SCRIB: variants seen among roughly 807,000 people sequenced by gnomAD.
SCRIB encodes the protein protein scribble homolog.
Under a neutral mutation model 170.0 loss-of-function variants are expected in SCRIB, and 72 were observed. The ratio of observed to expected loss-of-function variants is 0.42; its 90% confidence interval spans 0.35 to 0.52. SCRIB has a LOEUF of 0.52. SCRIB is among the 20% of genes least tolerant of loss of function. The pLI is 0.02. For missense variants in SCRIB, 2,475 were observed against 2,338.5 expected (o/e 1.06, Z -1.20); for synonymous variants, 1,298 against 1,044.3 (o/e 1.24, Z -4.68).
At chr8:143,803,997 C>G (rs782528408) in intron 22 of SCRIB, 49 bp downstream of exon 22, 1 of 1,575,994 alleles carries the variant, frequency 6.3e-7, no homozygotes, top group Admixed American at 1.8e-5. Context: ...TGCGCTGGTA[C>G]CTGGGATGGG....
rs374596932 is a variant in SCRIB at position 143,792,571 on chromosome 8, C to T, written c.4242G>A (p.Ala1414=). The T allele has an allele frequency of 1.1e-5, 18 of 1,577,090 alleles. No individual in the cohort carries two copies. Among genetic ancestry groups the T allele is most frequent in the East Asian group, 6.9e-5 (3 of 43,776 alleles). ...LREAAEAGAE[A]RLALDGETLG... ...GCGTCTCCCCGTCCAGGGCGAGCCT[C>T]GCTTCGGCCCCAGCCTCTGCCGCCT... Residue 1414 remains alanine, a synonymous_variant, in exon 31 of 37, where the codon GCG becomes GCA. Transcript: ENST00000356994.
At position 143,792,931 on chromosome 8, in the gene SCRIB, C is replaced by T. The variant is rs1587506214; in HGVS notation, c.4017+45G>A. 2.0e-6 allele frequency: 3 copies of T among 1,496,764 alleles called. No homozygotes were observed. The East Asian group carries it at 7.1e-5, about 35-fold the overall frequency. 92.7% of individuals were successfully genotyped at this position (1,496,764 alleles called of 1,614,324 possible). A position where few individuals can be genotyped will look rare whatever the true frequency, so the allele number is the denominator to read the frequency against. ...CCGAGATACTGGGGCCCCCGGGCAC[C>T]CACCCCAACCACGCGCAGCAGGGAG... is the stretch of plus-strand genomic sequence containing the variant. On this transcript the variant is annotated intron_variant, in intron 29 of 36. Coordinates refer to ENST00000356994, the MANE Select transcript of SCRIB (RefSeq NM_182706.5).
At chr8:143,808,519 G>A (rs1013135635) in intron 15 of SCRIB, 90 bp downstream of exon 15, 2 of 1,438,806 alleles carry the variant, frequency 1.4e-6, no homozygotes, top group Non-Finnish European at 1.8e-6. Flanking sequence ...GGGCCAGTGG[G>A]TCAGGCCTCG....
At chr8:143,798,251 G>C (rs1380377255) in intron 24 of SCRIB, among the ~76,000 whole-genome samples, 1 of 151,214 alleles carries the variant, frequency 6.6e-6, no homozygotes, top group Non-Finnish European at 1.5e-5. Flanking sequence ...GTGAGACTCC[G>C]TCTCAAAAAA....
chr8:143,808,178 T>C (rs1554637049), intron 15 of SCRIB, among the ~76,000 whole-genome samples: 3 of 152,194 alleles, frequency 2.0e-5, no homozygotes, highest in Middle Eastern at 3.4e-3. Flanking sequence ...CCACGACACA[T>C]GTAGACAGGC....
Position 143,805,286 on chromosome 8 carries a change from A to G in SCRIB, c.2496T>C (p.Asp832=). Residue 832 remains aspartate, a synonymous_variant, in exon 19 of 37, where the codon GAT becomes GAC. Coordinates refer to ENST00000356994, the MANE Select transcript of SCRIB (RefSeq NM_182706.5). The stretch of plus-strand genomic sequence containing the variant: ...CCCGCCGCTCTCGGGGGCTGTAATC[A>G]TCCTCGGGCCGCAGCGGCGTGATGG... ...AVTITPLRPE[D]DYSPRERRGG... The G allele has an allele frequency of 6.4e-7, 1 of 1,552,596 alleles. No individual in the cohort carries two copies. The highest frequency in any genetic ancestry group is 1.9e-5 in the Admixed American group (1 of 53,546).
rs778931359 is a variant in SCRIB at position 143,808,688 on chromosome 8, T to C, written c.2036A>G (p.Glu679Gly). Residue 679 changes from glutamate to glycine, a missense_variant, in exon 15 of 37, where the codon GAA becomes GGA. By Grantham distance (98) the Glu-to-Gly change is moderately conservative. Around this residue, in one of 3 missense-constraint regions of SCRIB, gnomAD observed 1,966 missense variants for 1,742.9 expected, o/e 1.13. Coordinates refer to ENST00000356994, the MANE Select transcript of SCRIB (RefSeq NM_182706.5). ...GGCCTCTTCCTCTTCAGCCCTGTTT[T>C]CCTCCTCCTCCTCTTCCTCCTCCTC... is the stretch of plus-strand genomic sequence containing the variant. ...PQEEEEEEEE[E>G]NRAEEEEAST... The C allele has an allele frequency of 2.6e-6, 4 of 1,539,332 alleles. No individual in the cohort carries two copies. The African/African-American group carries it at 5.6e-5, about 21-fold the overall frequency.
intron 18 of SCRIB, 75 bp from the exon 19 acceptor site, chr8:143,805,510 G>T: frequency 7.4e-7 from 1 of 1,356,560 alleles, no homozygotes; most frequent in South Asian, 1.5e-5. Flanking sequence ...GGCTCCACAC[G>T]CTCCCTCCAG....
intron 1 of SCRIB, 38 bp downstream of exon 1, chr8:143,815,176 G>C (rs1279580973): frequency 6.6e-7 from 1 of 1,523,880 alleles, no homozygotes; most frequent in African/African-American, 1.4e-5. Context: ...ACGGGCTGGG[G>C]GCGCGCCTTT....
intron 24 of SCRIB, among the ~76,000 whole-genome samples, chr8:143,801,584 C>T (rs1459022146): frequency 6.6e-6 from 1 of 152,198 alleles, no homozygotes; most frequent in Non-Finnish European, 1.5e-5. Flanking sequence ...GAAAAACACA[C>T]CTGTACCCAC....
chr8:143,798,963 G>A (rs921478708), intron 24 of SCRIB, among the ~76,000 whole-genome samples: 3 of 152,198 alleles, frequency 2.0e-5, no homozygotes, highest in Non-Finnish European at 4.4e-5. Flanking sequence ...GGGATGCGGG[G>A]TCTCGCTGCC....
chr8:143,795,280 G>A lies in SCRIB; in HGVS notation c.3768C>T (p.Ala1256=), dbSNP rs548052372. 133 of 1,612,620 alleles carry A rather than the reference G, an allele frequency of 8.2e-5. 1 individual carries two copies. Among genetic ancestry groups the A allele is most frequent in the South Asian group, 2.7e-4 (25 of 91,070 alleles). The change falls in exon 26 of 37, where the codon GCC becomes GCT. Residue 1256 remains alanine (A), a synonymous_variant. Transcript: ENST00000356994. ...TLHWGPEATE[A]AGRGLQPLKL... ...GGGGTGGGGCGACCACACTCACTGC[G>A]GCTTCTGTGGCCTCGGGCCCCCAGT...
chr8:143,797,212 C>T (rs879979878), intron 24 of SCRIB, among the ~76,000 whole-genome samples: 5 of 152,204 alleles, frequency 3.3e-5, no homozygotes, highest in African/African-American at 7.2e-5. Context: ...AAGCCCCTTC[C>T]GTGGGCCAAG....
At chr8:143,796,266 C>T (rs1412439602) in intron 24 of SCRIB, among the ~76,000 whole-genome samples, 1 of 152,172 alleles carries the variant, frequency 6.6e-6, no homozygotes, top group Non-Finnish European at 1.5e-5. Flanking sequence ...CTGCTTCAAA[C>T]CTCCACCCCC....
chr8:143,814,881 G>A (rs912768781), intron 1 of SCRIB: 10 of 312,002 alleles, frequency 3.2e-5, no homozygotes, highest in Admixed American at 1.0e-4. Context: ...CCTCCAGAGC[G>A]GCCCAAGAAG....
intron 24 of SCRIB, among the ~76,000 whole-genome samples, chr8:143,796,722 GACAAACA>G (rs1295465818): frequency 2.0e-5 from 3 of 152,158 alleles, no homozygotes; most frequent in Non-Finnish European, 4.4e-5. Context: ...GGACTAGCGG[GACAAACA>G]ACAAACAAGG....
chr8:143,814,178 C>A, intron 1 of SCRIB, 60 bp from the exon 2 acceptor site: 1 of 1,376,260 alleles, frequency 7.3e-7, no homozygotes. Flanking sequence ...GAGAAGAGCT[C>A]CTGGACACGT....
chr8:143,804,997 GCGGGAGAC>G lies in SCRIB; in HGVS notation c.2680_2687del (p.Val894HisfsTer23). The G allele has an allele frequency of 6.3e-7, 1 of 1,586,516 alleles. No homozygotes were observed. Among genetic ancestry groups the G allele is most frequent in the Non-Finnish European group, 8.5e-7 (1 of 1,170,010 alleles). ...GGTGAGCAGCACCGCCCTCGGCAAT[GCGGGAGAC>G]GAAGATGCCCTGCAGGGGAGGGTGG... On this transcript the variant is annotated frameshift_variant, in exon 20 of 37. Coordinates refer to ENST00000356994, the MANE Select transcript of SCRIB (RefSeq NM_182706.5). LOFTEE classifies it high-confidence loss of function.
chr8:143,805,225 T>G lies in SCRIB; in HGVS notation c.2557A>C (p.Ser853Arg), dbSNP rs781866592. The G allele has an allele frequency of 3.2e-6, 5 of 1,550,380 alleles. No individual in the cohort carries two copies. Among genetic ancestry groups the G allele is most frequent in the Admixed American group, 3.8e-5 (2 of 52,948 alleles). The change falls in exon 19 of 37, where the codon AGC (serine) becomes CGC (arginine). Residue 853 changes from serine to arginine, a missense_variant. Coordinates refer to ENST00000356994, the MANE Select transcript of SCRIB (RefSeq NM_182706.5). ...GLRLPLLPPE[S>R]PGPLRQRHVA... ...TGGCGCTGACGGAGGGGCCCGGGGC[T>G]CTCAGGCGGGAGCAGGGGCAGGCGC...
Sources: allele counts gnomAD v4.1 joint callset (sites outside exome capture counted in the v4.1 genomes callset), GRCh38; gene constraint gnomAD v4.1.1; regional missense constraint gnomAD v4.1.1; transcripts MANE v1.5; gene names NCBI Gene and HGNC (gene_info 2026-07-23, HGNC 2026-07-21).